RPS6KC1: variants seen among roughly 807,000 people sequenced by gnomAD.
RPS6KC1 encodes the protein inactive ribosomal protein S6 kinase delta-1.
A neutral mutation model predicts 103.8 loss-of-function variants in RPS6KC1; 54 were observed. The ratio of observed to expected loss-of-function variants is 0.52; its 90% confidence interval spans 0.42 to 0.65. RPS6KC1 has a LOEUF of 0.65. Ranked by LOEUF, RPS6KC1 falls within the 30% of genes least tolerant of loss-of-function variation. The pLI is 0.00. For synonymous variants in RPS6KC1, 439 were observed against 438.7 expected (o/e 1.00, Z -0.01); for missense variants, 1,151 against 1,253.8 (o/e 0.92, Z 1.24).
chr1:213,214,615 G>C (rs1307079181), intron 8 of RPS6KC1, among the ~76,000 whole-genome samples: 2 of 152,198 alleles, frequency 1.3e-5, no homozygotes, highest in Non-Finnish European at 2.9e-5. Flanking sequence ...GCCTAACTGG[G>C]AGGCACCCCC....
the RPS6KC1 span, among the ~76,000 whole-genome samples, chr1:213,454,968 T>A: frequency 6.6e-6 from 1 of 152,200 alleles, no homozygotes; most frequent in Non-Finnish European, 1.5e-5. Context: ...TGATCTACTT[T>A]AGCAGTGCCT....
the RPS6KC1 span, among the ~76,000 whole-genome samples, chr1:213,717,854 G>A: frequency 2.6e-5 from 4 of 152,174 alleles, no homozygotes; most frequent in Non-Finnish European, 4.4e-5. Flanking sequence ...GCCTGGGTGT[G>A]AGCCTCTTCC....
At chr1:213,622,867 CA>C in the RPS6KC1 span, among the ~76,000 whole-genome samples, 2 of 152,174 alleles carry the variant, frequency 1.3e-5, no homozygotes, top group Non-Finnish European at 2.9e-5. Flanking sequence ...CCTTATTTCT[CA>C]GATTGACTTG....
the RPS6KC1 span, among the ~76,000 whole-genome samples, chr1:213,600,389 A>G: frequency 3.3e-5 from 5 of 152,280 alleles, no homozygotes; most frequent in South Asian, 1.0e-3. Flanking sequence ...CTTCATCAAA[A>G]TCACTTTTTA....
At chr1:213,726,120 T>C in the RPS6KC1 span, among the ~76,000 whole-genome samples, 3 of 152,244 alleles carry the variant, frequency 2.0e-5, no homozygotes, top group Non-Finnish European at 2.9e-5. Context: ...TGTCTTGTTC[T>C]GTCACCCAGG....
chr1:213,656,843 G>A, the RPS6KC1 span, among the ~76,000 whole-genome samples: 49 of 152,292 alleles, frequency 3.2e-4, 2 homozygotes, highest in South Asian at 9.7e-3. Flanking sequence ...TATTCACAAC[G>A]ATCATTTCCT....
At chr1:213,520,873 T>G in the RPS6KC1 span, among the ~76,000 whole-genome samples, 1 of 152,314 alleles carries the variant, frequency 6.6e-6, no homozygotes, top group Non-Finnish European at 1.5e-5. Flanking sequence ...ATAGTTGTTA[T>G]GAAAAACATT....
intron 8 of RPS6KC1, among the ~76,000 whole-genome samples, chr1:213,219,348 G>A (rs1253509369): frequency 9.2e-5 from 14 of 152,152 alleles, no homozygotes; most frequent in Admixed American, 9.2e-4. Context: ...TCATTAAAAA[G>A]TCAGGAAACA....
the RPS6KC1 span, among the ~76,000 whole-genome samples, chr1:213,380,218 G>A: frequency 2.6e-5 from 4 of 152,262 alleles, no homozygotes; most frequent in Admixed American, 2.0e-4. Flanking sequence ...GCAAACTGAC[G>A]CAGGAGCAGA....
At chr1:213,681,404 C>T in the RPS6KC1 span, among the ~76,000 whole-genome samples, 1 of 152,050 alleles carries the variant, frequency 6.6e-6, no homozygotes, top group Admixed American at 6.5e-5. Context: ...GGGAAGAAAC[C>T]ATGTCAAGGG....
chr1:213,347,366 C>T, the RPS6KC1 span, among the ~76,000 whole-genome samples: 3 of 152,070 alleles, frequency 2.0e-5, no homozygotes, highest in Non-Finnish European at 4.4e-5. Context: ...AGACATTAAG[C>T]AACTTCAGAA....
chr1:213,814,933 A>C, the RPS6KC1 span, among the ~76,000 whole-genome samples: 1 of 152,262 alleles, frequency 6.6e-6, no homozygotes, highest in Non-Finnish European at 1.5e-5. Context: ...CATGAGTAAT[A>C]ATTCTTATCA....
chr1:213,772,244 T>C, the RPS6KC1 span, among the ~76,000 whole-genome samples: 3 of 152,186 alleles, frequency 2.0e-5, no homozygotes, highest in African/African-American at 7.2e-5. Flanking sequence ...AGCCATTGCC[T>C]GCACAATAGT....
chr1:213,630,844 CA>C, the RPS6KC1 span, among the ~76,000 whole-genome samples: 1 of 152,222 alleles, frequency 6.6e-6, no homozygotes, highest in East Asian at 1.9e-4. Context: ...AGGTCCACTC[CA>C]GACCCTGTTT....
At chr1:213,815,960 G>C in the RPS6KC1 span, among the ~76,000 whole-genome samples, 23 of 152,248 alleles carry the variant, frequency 1.5e-4, no homozygotes, top group African/African-American at 5.3e-4. Context: ...GCCATTGTAG[G>C]GTTATTATTT....
the RPS6KC1 span, among the ~76,000 whole-genome samples, chr1:213,677,536 A>G: frequency 6.6e-6 from 1 of 152,206 alleles, no homozygotes; most frequent in Non-Finnish European, 1.5e-5. Context: ...GCATCAGTAG[A>G]TTTTAGGAAC....
chr1:213,197,144 G>C (rs2092981320), intron 8 of RPS6KC1, among the ~76,000 whole-genome samples: 1 of 151,818 alleles, frequency 6.6e-6, no homozygotes, highest in Non-Finnish European at 1.5e-5. Context: ...GCCTCTACAT[G>C]CCTGTTTTTA....
the RPS6KC1 span, among the ~76,000 whole-genome samples, chr1:213,593,106 C>T: frequency 2.0e-5 from 3 of 151,908 alleles, no homozygotes; most frequent in Non-Finnish European, 2.9e-5. Context: ...GGCAGGGACT[C>T]GAGATGCTCA....
chr1:213,340,984 C>A, the RPS6KC1 span, among the ~76,000 whole-genome samples: 1 of 152,356 alleles, frequency 6.6e-6, no homozygotes. Context: ...AGTTGAACCA[C>A]CAAAGAGAAG....
Sources: gnomAD v4.1 joint callset for allele counts (sites outside exome capture counted in the v4.1 genomes callset) on GRCh38, gnomAD v4.1.1 for gene constraint, MANE v1.5 for transcripts, NCBI Gene and HGNC (gene_info 2026-07-23, HGNC 2026-07-21) for gene names.